GRID2IP: variants seen among roughly 807,000 people sequenced by gnomAD.
The protein encoded by GRID2IP is Grid2 interacting protein.
GRID2IP carries 78 observed loss-of-function variants against 114.3 expected under a neutral mutation model. The ratio of observed to expected loss-of-function variants is 0.68; its 90% confidence interval spans 0.57 to 0.82. The LOEUF (loss-of-function observed/expected upper bound fraction) is 0.82, where lower values mean the gene tolerates loss of function less well. Among genes scored for constraint, GRID2IP ranks in the 40% least tolerant of loss-of-function variants. The pLI is 0.00. For missense variants in GRID2IP, 1,727 were observed against 1,678.5 expected (o/e 1.03, Z -0.51); for synonymous variants, 809 against 724.0 (o/e 1.12, Z -1.89).
At position 6,508,396 on chromosome 7, in the gene GRID2IP, G is replaced by A. The variant is rs1189825854; in HGVS notation, c.2133C>T (p.Ser711=). ...LTPENDYEEM[S]FHDDQGSFVT... is the part of the protein sequence containing the mutation. The stretch of plus-strand genomic sequence containing the variant: ...CGAAGCTGCCCTGGTCATCATGGAA[G>A]CTCATCTGGTGGTGGGGAGAGAGGC... The change falls in exon 13 of 22, where the codon AGC becomes AGT. Residue 711 remains serine (S), a synonymous_variant. Transcript: ENST00000457091. This position sits in a 1 kb window ranked among gnomAD's most constrained non-coding sequence, Gnocchi z 5.6. 20 of 1,551,204 alleles carry A rather than the reference G, an allele frequency of 1.3e-5. No individual in the cohort carries two copies. Among genetic ancestry groups the A allele is most frequent in the Non-Finnish European group, 1.7e-5 (20 of 1,147,048 alleles).
rs1786659581 is a variant in GRID2IP at position 6,508,366 on chromosome 7, G to A, written c.2163C>T (p.Thr721=). ...AGTCGCTGGCGCTGCTCCGCTCATT[G>A]GTTACGAAGCTGCCCTGGTCATCAT... The part of the protein sequence containing the change: ...SFHDDQGSFV[T]NERSSASDCI... The change falls in exon 13 of 22, where the codon ACC becomes ACT. Residue 721 remains threonine (T), a synonymous_variant. Coordinates refer to ENST00000457091, the MANE Select transcript of GRID2IP (RefSeq NM_001145118.2). The surrounding 1 kb of genome is among the most constrained non-coding windows in gnomAD (Gnocchi z 5.6). The A allele has an allele frequency of 6.4e-7, 1 of 1,551,474 alleles. No individual in the cohort carries two copies. The highest frequency in any genetic ancestry group is 1.4e-5 in the African/African-American group (1 of 73,030).
chr7:6,500,095 G>A (rs947588304), intron 20 of GRID2IP, among the ~76,000 whole-genome samples: 3 of 151,894 alleles, frequency 2.0e-5, no homozygotes, highest in Non-Finnish European at 2.9e-5. Context: ...CAAGGAAGCC[G>A]CCAATACCCC....
At chr7:6,547,740 A>G (rs1301448413) in intron 1 of GRID2IP, among the ~76,000 whole-genome samples, 1 of 152,134 alleles carries the variant, frequency 6.6e-6, no homozygotes, top group East Asian at 1.9e-4. Flanking sequence ...AGAAAAGCCC[A>G]TTCAGGGGAT....
At chr7:6,501,433 G>A (rs117903679) in intron 20 of GRID2IP, among the ~76,000 whole-genome samples, 3,842 of 152,308 alleles carry the variant, frequency 0.025, 74 homozygotes, top group Middle Eastern at 0.054. Flanking sequence ...CTGGTGTTGT[G>A]GCTCACACCT....
Position 6,516,289 on chromosome 7 carries a change from A to G in GRID2IP, c.1269-1760T>C, listed in dbSNP as rs368620098. 1.3e-5 allele frequency among the ~76,000 whole-genome samples: 2 copies of G among 151,920 alleles called. No homozygotes were observed. Among genetic ancestry groups the G allele is most frequent in the East Asian group, 3.9e-4 (2 of 5,192 alleles). On this transcript the variant is annotated intron_variant, in intron 7 of 21. Coordinates refer to ENST00000457091, the MANE Select transcript of GRID2IP (RefSeq NM_001145118.2). This position sits in a 1 kb window ranked among gnomAD's most constrained non-coding sequence, Gnocchi z 4.3. ...TAATAAAGAAAATACATAGAATAAG[A>G]ATAGTTATACTAGAAATAGATTATA...
At chr7:6,501,742 GA>G in intron 20 of GRID2IP, 38 bp downstream of exon 20, 1 of 1,462,028 alleles carries the variant, frequency 6.8e-7, no homozygotes, top group African/African-American at 1.4e-5. Flanking sequence ...ACCACCCCAG[GA>G]TCCAGCCTGG....
intron 2 of GRID2IP, among the ~76,000 whole-genome samples, chr7:6,535,746 G>T (rs1779713431): frequency 6.6e-6 from 1 of 152,112 alleles, no homozygotes; most frequent in African/African-American, 2.4e-5. Context: ...TGGGGTCTTA[G>T]GGCCCAAGTG....
Position 6,512,218 on chromosome 7 carries a change from TTTTTC to T in GRID2IP, c.1424-1184_1424-1180del, listed in dbSNP as rs1240409314. On this transcript the variant is annotated intron_variant, in intron 8 of 21. Transcript: ENST00000457091. The stretch of plus-strand genomic sequence containing the variant: ...AGATGTGAGCCACCACACCTGCCTT[TTTTTC>T]TTTTCTTCTTTTTTTTTTTTTTTTT... 4.8e-4 allele frequency among the ~76,000 whole-genome samples: 67 copies of T among 139,054 alleles called. No homozygotes were observed. In the South Asian group the frequency reaches 0.011, roughly 23 times the overall value. The allele number at this position is 139,054 out of a possible 152,430, so 91.2% of individuals were successfully genotyped here.
intron 1 of GRID2IP, among the ~76,000 whole-genome samples, chr7:6,542,250 A>T (rs1192936731): frequency 3.5e-5 from 5 of 141,378 alleles, no homozygotes; most frequent in Admixed American, 7.9e-5. Context: ...GGTTGCAGTG[A>T]GTCGAGATCT....
chr7:6,512,511 T>C (rs1321462036), intron 8 of GRID2IP, among the ~76,000 whole-genome samples: 1 of 151,850 alleles, frequency 6.6e-6, no homozygotes, highest in Non-Finnish European at 1.5e-5. Flanking sequence ...TGGCTAATTT[T>C]TTATTTTTTT....
intron 7 of GRID2IP, among the ~76,000 whole-genome samples, chr7:6,517,422 T>C (rs1161589295): frequency 6.6e-6 from 1 of 152,088 alleles, no homozygotes; most frequent in Non-Finnish European, 1.5e-5. Flanking sequence ...ACAGGCCCTG[T>C]AGGGCTGGAC....
intron 1 of GRID2IP, among the ~76,000 whole-genome samples, chr7:6,548,028 T>G (rs1266957401): frequency 6.6e-6 from 1 of 152,184 alleles, no homozygotes; most frequent in Non-Finnish European, 1.5e-5. Context: ...ACAGGGTGAC[T>G]ATAGCCAATA....
chr7:6,541,383 C>G (rs971472597), intron 1 of GRID2IP, among the ~76,000 whole-genome samples: 13 of 152,302 alleles, frequency 8.5e-5, no homozygotes, highest in African/African-American at 2.6e-4. Flanking sequence ...ATACTACACT[C>G]CCTTCCATAC....
Position 6,510,407 on chromosome 7 carries a change from G to C in GRID2IP, c.1654-7C>G. The C allele has an allele frequency of 6.6e-7, 1 of 1,509,680 alleles. No homozygotes were observed. The highest frequency in any genetic ancestry group is 8.9e-7 in the Non-Finnish European group (1 of 1,123,258). 93.5% of individuals were successfully genotyped at this position (1,509,680 alleles called of 1,614,324 possible). A position where few individuals can be genotyped will look rare whatever the true frequency, so the allele number is the denominator to read the frequency against. ...CTGCATAGACGGCTGACATCTGGAG[G>C]GAGACGGGGGAGAGTCCAGCCCATT... is the stretch of plus-strand genomic sequence containing the variant. On this transcript the variant is annotated splice_polypyrimidine_tract_variant and splice_region_variant and intron_variant, in intron 10 of 21. Coordinates refer to ENST00000457091, the MANE Select transcript of GRID2IP (RefSeq NM_001145118.2).
intron 4 of GRID2IP, among the ~76,000 whole-genome samples, chr7:6,524,875 C>G (rs1297883412): frequency 6.6e-6 from 1 of 151,714 alleles, no homozygotes; most frequent in African/African-American, 2.4e-5. Context: ...TGCCACCACA[C>G]CTGGCTAATT....
chr7:6,546,337 A>G (rs1166362956), intron 1 of GRID2IP, among the ~76,000 whole-genome samples: 1 of 150,926 alleles, frequency 6.6e-6, no homozygotes, highest in Non-Finnish European at 1.5e-5. Context: ...TCGGCCTCCC[A>G]AAGTGCTGGG....
In GRID2IP at chr7:6,526,530, C is replaced by A; in HGVS notation, c.824G>T (p.Gly275Val). 5.7e-6 allele frequency: 7 copies of A among 1,233,694 alleles called. No homozygotes were observed. The highest frequency in any genetic ancestry group is 6.1e-6 in the Non-Finnish European group (6 of 988,752). 76.4% of individuals were successfully genotyped at this position (1,233,694 alleles called of 1,614,324 possible). Residue 275 changes from glycine (G) to valine (V), a missense_variant, in exon 3 of 22, where the codon GGC (glycine) becomes GTC (valine). By Grantham distance (109) the Gly-to-Val change is moderately radical. Coordinates refer to ENST00000457091, the MANE Select transcript of GRID2IP (RefSeq NM_001145118.2). This position sits in a 1 kb window ranked among gnomAD's most constrained non-coding sequence, Gnocchi z 7.6. ...TGTGAGCCCCGCGTACCTGCGCGCG[C>A]CCCCGGGGCCGGCGAGGCCGCCCAC... The part of the protein sequence containing the change: ...LLVGGLAGPG[G>V]ARRTVRVYKG...
At chr7:6,514,287 A>G (rs369447306) in intron 8 of GRID2IP, 88 bp downstream of exon 8, 1 of 1,159,478 alleles carries the variant, frequency 8.6e-7, no homozygotes. Flanking sequence ...ACACCTTCAC[A>G]TGTGAGAACA....
chr7:6,531,048 G>A, intron 2 of GRID2IP: 3 of 642,310 alleles, frequency 4.7e-6, no homozygotes, highest in South Asian at 1.6e-5. Flanking sequence ...CGGAGGCGCG[G>A]GACGCGATGG....
Sources: allele counts gnomAD v4.1 joint callset (sites outside exome capture counted in the v4.1 genomes callset), GRCh38; gene constraint gnomAD v4.1.1; non-coding constraint Gnocchi (gnomAD v3.1); transcripts MANE v1.5; gene names NCBI Gene and HGNC (gene_info 2026-07-23, HGNC 2026-07-21).